The following PUS7 variants were observed in gnomAD, a reference collection of about 807,000 sequenced individuals.
The protein encoded by PUS7 is pseudouridine synthase 7.
In PUS7, 48 loss-of-function variants were observed where a neutral mutation model predicts 79.8. The observed-to-expected ratio is 0.60, with a 90% confidence interval of 0.48 to 0.76. PUS7 has a LOEUF of 0.76. Among genes scored for constraint, PUS7 ranks in the 30% least tolerant of loss-of-function variants. PUS7 has a pLI of 0.00. For missense variants in PUS7, 729 were observed against 797.6 expected (o/e 0.91, Z 1.04); for synonymous variants, 286 against 272.2 (o/e 1.05, Z -0.50).
At chr7:105,494,090 A>C (rs745702805) in intron 6 of PUS7, among the ~76,000 whole-genome samples, 8 of 152,218 alleles carry the variant, frequency 5.3e-5, no homozygotes, top group Admixed American at 1.3e-4. Context: ...TTAGAAAATC[A>C]GACCGGTCTC....
intron 5 of PUS7, among the ~76,000 whole-genome samples, chr7:105,498,582 GA>G (rs1470708157): frequency 2.0e-5 from 3 of 152,098 alleles, no homozygotes; most frequent in Non-Finnish European, 4.4e-5. Flanking sequence ...AATAAAGAAG[GA>G]AAAATGTTTC....
At chr7:105,501,107 T>TC (rs1562812467) in intron 5 of PUS7, among the ~76,000 whole-genome samples, 1 of 152,214 alleles carries the variant, frequency 6.6e-6, no homozygotes, top group African/African-American at 2.4e-5. Flanking sequence ...AGCGAAGCTT[T>TC]CCTCCTGTTC....
Position 105,468,359 on chromosome 7 carries a change from T to C in PUS7, c.1503A>G (p.Pro501=), listed in dbSNP as rs1823741756. The change falls in exon 12 of 16, where the codon CCA becomes CCG. Residue 501 remains proline (P), a synonymous_variant. Transcript: ENST00000469408. ...TACCTCCTTTGAGAACGAGGTCCCC[T>C]GGAACAGGTTTTAGTCCATAGTCTT... is the stretch of plus-strand genomic sequence containing the variant. ...RIEDYGLKPV[P]GDLVLKGATA... is the part of the protein sequence containing the mutation. The C allele has an allele frequency of 1.9e-6, 3 of 1,613,228 alleles. No homozygotes were observed. The highest frequency in any genetic ancestry group is 1.7e-5 in the Admixed American group (1 of 59,822).
chr7:105,465,558 T>C (rs818459), intron 12 of PUS7, 144 bp from the exon 13 acceptor site: 601,865 of 605,894 alleles, frequency 0.99, 298,955 homozygotes, highest in East Asian at 1. Flanking sequence ...TTATGCCAGG[T>C]GCGGTGGCTC....
At chr7:105,464,581 C>T (rs1442070023) in intron 13 of PUS7, among the ~76,000 whole-genome samples, 1 of 152,160 alleles carries the variant, frequency 6.6e-6, no homozygotes, top group Non-Finnish European at 1.5e-5. Flanking sequence ...ATGTCAACTC[C>T]AGGTTCTCTG....
intron 7 of PUS7, among the ~76,000 whole-genome samples, chr7:105,484,432 C>G (rs1824457127): frequency 6.7e-6 from 1 of 150,190 alleles, no homozygotes; most frequent in Non-Finnish European, 1.5e-5. Context: ...CTGGCCAACA[C>G]AGCAAGATCC....
chr7:105,461,852 A>G (rs1161496962), intron 14 of PUS7, among the ~76,000 whole-genome samples: 1 of 152,200 alleles, frequency 6.6e-6, no homozygotes, highest in African/African-American at 2.4e-5. Flanking sequence ...CTGCTGTAAC[A>G]CAATGGTTTA....
intron 6 of PUS7, among the ~76,000 whole-genome samples, chr7:105,494,243 G>A (rs538239666): frequency 5.9e-5 from 9 of 152,092 alleles, no homozygotes; most frequent in Non-Finnish European, 1.0e-4. Flanking sequence ...AGCTGCATGC[G>A]AATCATTTAC....
chr7:105,505,074 C>T (rs1329454963), intron 4 of PUS7, among the ~76,000 whole-genome samples: 25 of 148,682 alleles, frequency 1.7e-4, no homozygotes, highest in African/African-American at 5.6e-4. Context: ...GATCTCTGCT[C>T]GCTGCAACCT....
At chr7:105,472,996 T>G (rs1285012050) in intron 9 of PUS7, among the ~76,000 whole-genome samples, 1 of 150,930 alleles carries the variant, frequency 6.6e-6, no homozygotes. Flanking sequence ...CTCCTGACCT[T>G]GTGACCCACC....
intron 13 of PUS7, among the ~76,000 whole-genome samples, 165 bp from the exon 14 acceptor site, chr7:105,462,915 G>C (rs998163916): frequency 1.6e-4 from 24 of 152,266 alleles, no homozygotes; most frequent in African/African-American, 5.5e-4. Context: ...AAAATTTAGT[G>C]ACTTAGTAAC....
intron 12 of PUS7, among the ~76,000 whole-genome samples, chr7:105,467,106 A>T (rs999752445): frequency 2.0e-5 from 3 of 149,562 alleles, no homozygotes; most frequent in African/African-American, 7.4e-5. Context: ...CCTCACCTGA[A>T]AAAACAGAGA....
intron 4 of PUS7, among the ~76,000 whole-genome samples, 190 bp from the exon 5 acceptor site, chr7:105,502,754 C>G (rs1825306982): frequency 6.6e-6 from 1 of 152,176 alleles, no homozygotes. Context: ...AGCTGGAGTG[C>G]AGTGGAGTGA....
chr7:105,493,362 A>T (rs1390891994), intron 6 of PUS7, among the ~76,000 whole-genome samples: 1 of 152,068 alleles, frequency 6.6e-6, no homozygotes, highest in Non-Finnish European at 1.5e-5. Context: ...GCAATCCTCA[A>T]CTCCCGATCT....
chr7:105,520,568 A>G lies in PUS7; in HGVS notation c.-33+1484T>C, dbSNP rs534450634. ...TAAATAAATAAATAAATAAAAATAC[A>G]AAAATTAGCTGGGCATGGTGGCGTG... is the stretch of plus-strand genomic sequence containing the variant. On this transcript the variant is annotated intron_variant, in intron 1 of 15. Coordinates refer to ENST00000469408, the MANE Select transcript of PUS7 (RefSeq NM_019042.5). 2.9e-3 allele frequency among the ~76,000 whole-genome samples: 430 copies of G among 150,504 alleles called. 3 individuals carry two copies. Among genetic ancestry groups the G allele is most frequent in the Non-Finnish European group, 4.4e-3 (300 of 67,584 alleles).
At chr7:105,501,528 AC>A (rs1825248577) in intron 5 of PUS7, among the ~76,000 whole-genome samples, 1 of 152,216 alleles carries the variant, frequency 6.6e-6, no homozygotes, top group African/African-American at 2.4e-5. Flanking sequence ...ATGATACACA[AC>A]AAAAGATGGG....
At chr7:105,483,440 C>T in intron 7 of PUS7, among the ~76,000 whole-genome samples, 1 of 151,930 alleles carries the variant, frequency 6.6e-6, no homozygotes, top group East Asian at 1.9e-4. Flanking sequence ...GCTGAGATTA[C>T]AGGTATGAGC....
Position 105,508,464 on chromosome 7 carries a change from C to T in PUS7, c.49G>A (p.Val17Ile). The T allele has an allele frequency of 6.2e-7, 1 of 1,614,146 alleles. No individual in the cohort carries two copies. Among genetic ancestry groups the T allele is most frequent in the South Asian group, 1.1e-5 (1 of 91,082 alleles). The change falls in exon 2 of 16, where the codon GTT becomes ATT. Residue 17 changes from valine (V) to isoleucine (I), a missense_variant. Transcript: ENST00000469408. The part of the protein sequence containing the change: ...TGVSLKRGAL[V>I]VEDNDSGVPV... The stretch of plus-strand genomic sequence containing the variant: ...ACTCCACTGTCATTATCTTCGACAA[C>T]CAGTGCCCCACGTTTCAGCGACACA...
intron 12 of PUS7, among the ~76,000 whole-genome samples, chr7:105,466,379 T>A (rs1248382964): frequency 1.3e-5 from 2 of 151,952 alleles, no homozygotes; most frequent in Non-Finnish European, 2.9e-5. Flanking sequence ...TGCCTCACCC[T>A]CTCGAGAAGC....
Sources: gnomAD v4.1 joint callset for allele counts (sites outside exome capture counted in the v4.1 genomes callset) on GRCh38, gnomAD v4.1.1 for gene constraint, MANE v1.5 for transcripts, NCBI Gene and HGNC (gene_info 2026-07-23, HGNC 2026-07-21) for gene names.